LHPP: variants seen among roughly 807,000 people sequenced by gnomAD.
LHPP encodes hLHPP.
In LHPP, 24 loss-of-function variants were observed where a neutral mutation model predicts 30.3. That is an observed-to-expected ratio of 0.79 (90% CI 0.57 to 1.11). The LOEUF is 1.11. Ranked by LOEUF, LHPP falls within the 50% of genes most tolerant of loss-of-function variation. The pLI, the probability that LHPP is intolerant of heterozygous loss-of-function variation, is 0.00. For missense variants in LHPP, 356 were observed against 367.2 expected, an observed-to-expected ratio of 0.97 and a Z score of 0.25; for synonymous variants, 150 against 157.1, an observed-to-expected ratio of 0.95 and a Z score of 0.34.
At chr10:124,573,574 G>A (rs567368901) in intron 6 of LHPP, among the ~76,000 whole-genome samples, 36 of 152,236 alleles carry the variant, frequency 2.4e-4, no homozygotes, top group Middle Eastern at 3.2e-3. Context: ...GCCTCCCAAA[G>A]TGCTGGGATT....
intron 6 of LHPP, among the ~76,000 whole-genome samples, chr10:124,553,259 A>G (rs958846818): frequency 1.3e-5 from 2 of 152,180 alleles, no homozygotes; most frequent in Non-Finnish European, 2.9e-5. Flanking sequence ...GGGAACTTGG[A>G]GAAAGAGAAC....
At chr10:124,565,767 T>G (rs1212414414) in intron 6 of LHPP, among the ~76,000 whole-genome samples, 3 of 152,144 alleles carry the variant, frequency 2.0e-5, no homozygotes, top group African/African-American at 7.2e-5. Flanking sequence ...GGAGACCGCT[T>G]TGGCCTTTCT....
chr10:124,558,420 A>G (rs1322584215), intron 6 of LHPP, among the ~76,000 whole-genome samples: 2 of 152,208 alleles, frequency 1.3e-5, no homozygotes, highest in Admixed American at 1.3e-4. Context: ...TCACTTGCCC[A>G]AGGTCCCACC....
chr10:124,558,315 A>G (rs1299475121), intron 6 of LHPP, among the ~76,000 whole-genome samples: 1 of 152,060 alleles, frequency 6.6e-6, no homozygotes, highest in Non-Finnish European at 1.5e-5. Flanking sequence ...CCTAGTTGGC[A>G]CTCCCAGTGG....
At position 124,548,518 on chromosome 10, in the gene LHPP, C is replaced by T. The variant is rs75569527; in HGVS notation, c.716+31247C>T. On this transcript the variant is annotated intron_variant, in intron 6 of 6. Transcript: ENST00000368842. Reference sequence around the variant, plus strand: ...CTGTCGAGGTGGGTGGGTCTCAGAACGGCAGGCTGCTCCCCCTCCTACCTC... The same window carrying T: ...CTGTCGAGGTGGGTGGGTCTCAGAATGGCAGGCTGCTCCCCCTCCTACCTC... 2.0e-3 allele frequency among the ~76,000 whole-genome samples: 298 copies of T among 152,340 alleles called. 1 individual carries two copies. The highest frequency in any genetic ancestry group is 7.0e-3 in the African/African-American group (289 of 41,576).
At chr10:124,602,896 C>T (rs1949042370) in intron 6 of LHPP, among the ~76,000 whole-genome samples, 1 of 152,234 alleles carries the variant, frequency 6.6e-6, no homozygotes, top group African/African-American at 2.4e-5. Flanking sequence ...CAACCGCCCA[C>T]ACATGTGCAC....
At chr10:124,548,012 T>C (rs12413892) in intron 6 of LHPP, among the ~76,000 whole-genome samples, 59,956 of 152,172 alleles carry the variant, frequency 0.39, 12,822 homozygotes, top group African/African-American at 0.56. Context: ...GGGGTGTGTT[T>C]GCTGTGGATG....
rs1955195036 is a variant in LHPP, at chr10:124,541,702, C to T, written c.716+24431C>T. Among the ~76,000 whole-genome samples the T allele has an allele frequency of 6.6e-6, 1 of 152,120 alleles. No individual in the cohort carries two copies. Among genetic ancestry groups the T allele is most frequent in the South Asian group, 2.1e-4 (1 of 4,832 alleles). ...CTTCTGTGGGTGGGAGTTCCCATGACGTCATCCCTCAGTACAAGCTACGAG... is the reference window on the plus strand; with the variant it reads ...CTTCTGTGGGTGGGAGTTCCCATGATGTCATCCCTCAGTACAAGCTACGAG... On this transcript the variant is annotated intron_variant, in intron 6 of 6. Coordinates refer to ENST00000368842, the MANE Select transcript of LHPP (RefSeq NM_022126.4). This position sits in a 1 kb window ranked among gnomAD's most constrained non-coding sequence, Gnocchi z 4.2.
At chr10:124,566,746 C>T (rs1027982207) in intron 6 of LHPP, among the ~76,000 whole-genome samples, 1 of 152,052 alleles carries the variant, frequency 6.6e-6, no homozygotes, top group Admixed American at 6.6e-5. Context: ...AGGTCGGGGG[C>T]ACCTGAGACA....
chr10:124,547,771 G>A (rs1955390017), intron 6 of LHPP, among the ~76,000 whole-genome samples: 1 of 152,264 alleles, frequency 6.6e-6, no homozygotes, highest in African/African-American at 2.4e-5. Context: ...GCCCTGGCAG[G>A]ATGTCGTTCC....
intron 6 of LHPP, among the ~76,000 whole-genome samples, chr10:124,554,385 G>A (rs573988610): frequency 6.6e-6 from 1 of 152,300 alleles, no homozygotes; most frequent in South Asian, 2.1e-4. Context: ...TTCTTGCAGA[G>A]ACAGGGTCTC....
At chr10:124,566,087 T>A (rs531469342) in intron 6 of LHPP, among the ~76,000 whole-genome samples, 13 of 152,238 alleles carry the variant, frequency 8.5e-5, no homozygotes, top group Non-Finnish European at 1.6e-4. Flanking sequence ...GCCATGCCAC[T>A]CCGGCGGCAG....
intron 4 of LHPP, among the ~76,000 whole-genome samples, chr10:124,497,592 A>C (rs1953764193): frequency 6.6e-6 from 1 of 152,006 alleles, no homozygotes. Context: ...TCCCATCCTC[A>C]CAGCTGCAGC....
At chr10:124,547,707 AG>A (rs1241589817) in intron 6 of LHPP, among the ~76,000 whole-genome samples, 1 of 151,418 alleles carries the variant, frequency 6.6e-6, no homozygotes, top group Non-Finnish European at 1.5e-5. Context: ...AGTCTGAGGG[AG>A]GGCTGCTCAG....
intron 6 of LHPP, among the ~76,000 whole-genome samples, chr10:124,527,912 C>T (rs1282317855): frequency 1.4e-4 from 21 of 152,292 alleles, no homozygotes; most frequent in African/African-American, 4.8e-4. Context: ...TCCCAAATAG[C>T]TGGGAAACAG....
intron 5 of LHPP, chr10:124,498,418 C>A: frequency 6.5e-7 from 1 of 1,537,848 alleles, no homozygotes; most frequent in Non-Finnish European, 8.8e-7. Context: ...TTGACAAGTC[C>A]TATCAGTGTG....
At chr10:124,555,356 A>G (rs1474559562) in intron 6 of LHPP, among the ~76,000 whole-genome samples, 1 of 152,116 alleles carries the variant, frequency 6.6e-6, no homozygotes, top group African/African-American at 2.4e-5. Context: ...GGGGCTCTAC[A>G]AGGCACAGCT....
chr10:124,583,401 A>C (rs990193539), intron 6 of LHPP, among the ~76,000 whole-genome samples: 1 of 152,206 alleles, frequency 6.6e-6, no homozygotes, highest in African/African-American at 2.4e-5. Flanking sequence ...GTTGAAGGCT[A>C]TTCTTTCCCC....
chr10:124,487,002 T>C (rs924009280), intron 2 of LHPP, among the ~76,000 whole-genome samples: 5 of 152,400 alleles, frequency 3.3e-5, no homozygotes, highest in South Asian at 2.1e-4. Context: ...TAGTCTTTTG[T>C]GTAAGGCTTC....
Sources: allele counts gnomAD v4.1 joint callset (sites outside exome capture counted in the v4.1 genomes callset), GRCh38; gene constraint gnomAD v4.1.1; non-coding constraint Gnocchi (gnomAD v3.1); transcripts MANE v1.5; gene names NCBI Gene and HGNC (gene_info 2026-07-23, HGNC 2026-07-21).